The following PVT1 variants were observed in gnomAD, a reference collection of about 807,000 sequenced individuals.
The protein encoded by PVT1 is Pvt1 oncogene, also known as CXCR4/PVT1 fusion.
At chr8:127,887,063 G>A (rs975155925) in intron 2 of PVT1, among the ~76,000 whole-genome samples, 1 of 152,118 alleles carries the variant, frequency 6.6e-6, no homozygotes, top group Non-Finnish European at 1.5e-5. Flanking sequence ...GGCTTTAACT[G>A]GGCTACTCCA....
rs149160517 is a variant in PVT1 at position 127,795,189 on chromosome 8, G to T, written n.194+455G>T. Among the ~76,000 whole-genome samples the T allele has an allele frequency of 4.9e-4, 74 of 152,252 alleles. No individual in the cohort carries two copies. The East Asian group carries it at 0.013, about 26-fold the overall frequency. On this transcript the variant is annotated intron_variant and non_coding_transcript_variant, in intron 1 of 10. Coordinates refer to ENST00000651587, the Ensembl canonical transcript of PVT1. ...TGATTTCCAAAAACTCAGTAACTCC[G>T]TGTTTTGAGACTTTCTCAGTTTTTG...
intron 2 of PVT1, among the ~76,000 whole-genome samples, chr8:127,836,327 T>C (rs933117852): frequency 3.3e-5 from 5 of 152,232 alleles, no homozygotes; most frequent in African/African-American, 1.2e-4. Context: ...CATTCCGAGG[T>C]ACATGTGCAG....
In PVT1 at chr8:127,937,578, C is replaced by CAG. The variant is rs1296575228; in HGVS notation, n.782+46581_782+46582insGA. On this transcript the variant is annotated intron_variant and non_coding_transcript_variant, in intron 3 of 10. Transcript: ENST00000651587. ...ACACACACACACACACACACACACACACAGAGAGAGAGAGAGAGAGAGAGA... is the reference window on the plus strand; with the variant it reads ...ACACACACACACACACACACACACACAGACAGAGAGAGAGAGAGAGAGAGAGA... 5.1e-3 allele frequency among the ~76,000 whole-genome samples: 607 copies of CAG among 119,282 alleles called. 5 individuals are homozygous for CAG. Among genetic ancestry groups the CAG allele is most frequent in the African/African-American group, 0.016 (512 of 31,256 alleles). The allele number at this position is 119,282 out of a possible 152,430, so 78.3% of individuals were successfully genotyped here.
intron 2 of PVT1, among the ~76,000 whole-genome samples, chr8:127,857,816 A>G (rs1048420016): frequency 1.3e-5 from 2 of 152,244 alleles, no homozygotes; most frequent in Non-Finnish European, 2.9e-5. Context: ...GAGAAGTTTC[A>G]TAAATATTGG....
chr8:127,989,387 T>G (rs1817004928), intron 4 of PVT1: 2 of 152,236 alleles, frequency 1.3e-5, no homozygotes, highest in South Asian at 4.2e-4. Flanking sequence ...GTTCTTGACC[T>G]CTCGGTGTGT....
intron 3 of PVT1, among the ~76,000 whole-genome samples, chr8:127,949,524 C>T (rs894116156): frequency 2.0e-5 from 3 of 151,810 alleles, no homozygotes; most frequent in African/African-American, 7.3e-5. Flanking sequence ...CACTGCCCAT[C>T]AGCATCCTCT....
At chr8:127,794,943 G>T (rs903768137) in intron 1 of PVT1, among the ~76,000 whole-genome samples, 3 of 152,122 alleles carry the variant, frequency 2.0e-5, no homozygotes, top group Non-Finnish European at 4.4e-5. Context: ...GACACCGAAT[G>T]GCCGGTGCAT....
intron 3 of PVT1, among the ~76,000 whole-genome samples, chr8:127,964,127 G>A (rs1816677868): frequency 6.6e-6 from 1 of 152,246 alleles, no homozygotes; most frequent in Admixed American, 6.5e-5. Flanking sequence ...AAGCAGATGG[G>A]TTCAGGGAAG....
chr8:127,944,164 T>G (rs1345639112), intron 3 of PVT1, among the ~76,000 whole-genome samples: 2 of 152,214 alleles, frequency 1.3e-5, no homozygotes, highest in African/African-American at 4.8e-5. Flanking sequence ...CCTAGTTCAC[T>G]GCATCCTCAA....
chr8:128,081,440 A>G (rs1224157770), intron 5 of PVT1, among the ~76,000 whole-genome samples: 1 of 152,222 alleles, frequency 6.6e-6, no homozygotes, highest in Non-Finnish European at 1.5e-5. Flanking sequence ...TGGTGAGACT[A>G]TGTTTAGCTC....
At chr8:127,840,019 A>G (rs1814955355) in intron 2 of PVT1, among the ~76,000 whole-genome samples, 1 of 152,206 alleles carries the variant, frequency 6.6e-6, no homozygotes, top group Non-Finnish European at 1.5e-5. Context: ...CTTGGCACAG[A>G]GCAGACAATG....
At position 127,927,609 on chromosome 8, in the gene PVT1, A is replaced by T. The variant is rs1586439833; in HGVS notation, n.782+36611A>T. Among the ~76,000 whole-genome samples the T allele has an allele frequency of 3.3e-5, 5 of 152,082 alleles. No homozygotes were observed. The East Asian group carries it at 9.6e-4, about 29-fold the overall frequency. ...GCTCACTTCATGAATGTGGGGGTGT[A>T]TGAAGAGTATGATGAAATTAGAGGC... On this transcript the variant is annotated intron_variant and non_coding_transcript_variant, in intron 3 of 10. Transcript: ENST00000651587.
chr8:127,864,808 A>G (rs917287480), intron 2 of PVT1, among the ~76,000 whole-genome samples: 1 of 152,100 alleles, frequency 6.6e-6, no homozygotes, highest in African/African-American at 2.4e-5. Context: ...TCAGCCTCCC[A>G]AAGTGCTGGG....
chr8:127,821,760 T>C (rs4733786), intron 2 of PVT1, among the ~76,000 whole-genome samples: 103,580 of 151,604 alleles, frequency 0.68, 36,848 homozygotes, highest in African/African-American at 0.88. Flanking sequence ...TGCAGTGAGC[T>C]GAGATCGCAC....
At chr8:128,017,090 C>G (rs1164401484) in intron 4 of PVT1, among the ~76,000 whole-genome samples, 1 of 152,174 alleles carries the variant, frequency 6.6e-6, no homozygotes, top group Non-Finnish European at 1.5e-5. Context: ...ATCTGGCCAT[C>G]GTCACCCCAC....
intron 4 of PVT1, among the ~76,000 whole-genome samples, chr8:127,992,823 C>A (rs1817058570): frequency 6.6e-6 from 1 of 152,192 alleles, no homozygotes; most frequent in Non-Finnish European, 1.5e-5. Context: ...CTGCTGGCTC[C>A]CTGCCTGATA....
intron 2 of PVT1, among the ~76,000 whole-genome samples, chr8:127,890,406 G>A (rs1815586043): frequency 6.6e-6 from 1 of 152,214 alleles, no homozygotes; most frequent in Admixed American, 6.5e-5. Flanking sequence ...CCGCAGGAGA[G>A]GCAGCTCTCA....
chr8:127,853,940 T>C (rs572899034), intron 2 of PVT1, among the ~76,000 whole-genome samples: 1 of 152,282 alleles, frequency 6.6e-6, no homozygotes, highest in South Asian at 2.1e-4. Context: ...CCCCATCCCG[T>C]GGCCCTTGCT....
chr8:127,926,942 A>C (rs1217053620), intron 3 of PVT1, among the ~76,000 whole-genome samples: 1 of 152,122 alleles, frequency 6.6e-6, no homozygotes, highest in Non-Finnish European at 1.5e-5. Flanking sequence ...ATTGAATCAC[A>C]GCCTTGGCAC....
Sources: gnomAD v4.1 joint callset for allele counts (sites outside exome capture counted in the v4.1 genomes callset) on GRCh38, gnomAD v4.1.1 for gene constraint, MANE v1.5 for transcripts, NCBI Gene and HGNC (gene_info 2026-07-23, HGNC 2026-07-21) for gene names.